ACTR3C: variants seen among roughly 807,000 people sequenced by gnomAD.
The protein encoded by ACTR3C is actin related protein 3C.
A neutral mutation model predicts 26.3 loss-of-function variants in ACTR3C; 18 were observed. The ratio of observed to expected loss-of-function variants is 0.68; its 90% CI spans 0.47 to 1.01. The LOEUF (loss-of-function observed/expected upper bound fraction) is 1.01. Ranked by LOEUF, ACTR3C falls within the 50% of genes least tolerant of loss-of-function variation. The pLI is 0.00. For synonymous variants in ACTR3C, 55 were observed against 94.5 expected (o/e 0.58, Z 2.42); for missense variants, 184 against 250.7 (o/e 0.73, Z 1.80).
downstream of ACTR3C, chr7:150,245,110 T>C (rs1430842370): frequency 6.6e-6 from 1 of 152,218 alleles, no homozygotes; most frequent in Non-Finnish European, 1.5e-5. Context: ...CTCCACTCAC[T>C]CTGCATCTTA....
At chr7:150,156,725 CTCT>C in the ACTR3C span, among the ~76,000 whole-genome samples, 1 of 152,172 alleles carries the variant, frequency 6.6e-6, no homozygotes, top group East Asian at 1.9e-4. Flanking sequence ...CTCTTCCCTC[CTCT>C]AATTCCTATT....
downstream of ACTR3C, among the ~76,000 whole-genome samples, chr7:150,242,866 T>C (rs1418788726): frequency 2.0e-5 from 3 of 152,242 alleles, no homozygotes; most frequent in African/African-American, 7.2e-5. Context: ...CAAATACTGC[T>C]TATTGCCTCC....
chr7:150,068,864 C>G, the ACTR3C span, among the ~76,000 whole-genome samples: 1 of 150,560 alleles, frequency 6.6e-6, no homozygotes, highest in African/African-American at 2.4e-5. Context: ...ATAAACAATG[C>G]AAATTTGATA....
chr7:150,313,495 G>C (rs746336875), intron 1 of ACTR3C, among the ~76,000 whole-genome samples: 2 of 152,210 alleles, frequency 1.3e-5, no homozygotes, highest in Non-Finnish European at 2.9e-5. Flanking sequence ...CAGGTAGCAG[G>C]CTTCACAGAA....
chr7:149,930,377 T>C, the ACTR3C span, among the ~76,000 whole-genome samples: 2 of 152,192 alleles, frequency 1.3e-5, no homozygotes, highest in South Asian at 2.1e-4. Flanking sequence ...AGGAAAGTAA[T>C]AATAATATGT....
At chr7:150,040,137 G>C in the ACTR3C span, among the ~76,000 whole-genome samples, 12 of 147,644 alleles carry the variant, frequency 8.1e-5, 1 homozygote, top group Non-Finnish European at 1.4e-4. Flanking sequence ...AAAATGGGGG[G>C]CCTTTATATT....
At chr7:150,249,914 T>C (rs191192899) in intron 6 of ACTR3C, among the ~76,000 whole-genome samples, 202 of 152,342 alleles carry the variant, frequency 1.3e-3, no homozygotes, top group African/African-American at 4.7e-3. Flanking sequence ...TCCTCCACTT[T>C]ACTCCACGTG....
At chr7:150,276,190 G>A (rs1834863586) in intron 6 of ACTR3C, among the ~76,000 whole-genome samples, 2 of 152,096 alleles carry the variant, frequency 1.3e-5, no homozygotes, top group Non-Finnish European at 2.9e-5. Flanking sequence ...TTAACAGCAA[G>A]TGCTTAATAT....
the ACTR3C span, among the ~76,000 whole-genome samples, chr7:149,923,884 G>C: frequency 2.6e-5 from 4 of 151,830 alleles, no homozygotes; most frequent in African/African-American, 9.7e-5. Context: ...TATAATCCCA[G>C]CTCCTCGGGA....
the ACTR3C span, among the ~76,000 whole-genome samples, chr7:150,158,965 G>A: frequency 1.0e-5 from 1 of 97,832 alleles, no homozygotes; most frequent in East Asian, 6.3e-4. Context: ...GTACACACGT[G>A]CGCACACACA....
chr7:150,047,482 C>G, the ACTR3C span: 3 of 753,008 alleles, frequency 4.0e-6, no homozygotes, highest in Non-Finnish European at 4.9e-6. Context: ...CTGGGGGCGC[C>G]CGGAGAGTCG....
the ACTR3C span, among the ~76,000 whole-genome samples, chr7:150,238,838 T>C: frequency 3.4e-5 from 5 of 147,380 alleles, 1 homozygote; most frequent in African/African-American, 1.3e-4. Context: ...TTTGTCTGAT[T>C]ATATGGCACT....
At chr7:150,163,149 G>A in the ACTR3C span, among the ~76,000 whole-genome samples, 1 of 148,648 alleles carries the variant, frequency 6.7e-6, no homozygotes, top group African/African-American at 2.6e-5. Flanking sequence ...GTGAGACTCA[G>A]TCTCAAAAAA....
chr7:150,305,726 T>A (rs11766288), intron 1 of ACTR3C, among the ~76,000 whole-genome samples: 29,875 of 152,006 alleles, frequency 0.2, 3,773 homozygotes, highest in East Asian at 0.3. Context: ...AAGAGTGGAG[T>A]TCCCAGGTGC....
the ACTR3C span, among the ~76,000 whole-genome samples, chr7:149,980,007 A>C: frequency 6.6e-6 from 1 of 152,136 alleles, no homozygotes; most frequent in Admixed American, 6.5e-5. Flanking sequence ...TTTTCTTTTA[A>C]AAAATTTGTA....
the ACTR3C span, among the ~76,000 whole-genome samples, chr7:150,044,068 C>T: frequency 1.3e-5 from 2 of 152,166 alleles, no homozygotes; most frequent in African/African-American, 4.8e-5. Flanking sequence ...GTTGTCATCA[C>T]ATTTGTATTG....
the ACTR3C span, among the ~76,000 whole-genome samples, chr7:150,119,677 A>G: frequency 4.6e-5 from 7 of 152,212 alleles, no homozygotes; most frequent in Non-Finnish European, 8.8e-5. Context: ...CAGATCAAGG[A>G]GACATAAAAT....
At chr7:150,084,519 G>A in the ACTR3C span, among the ~76,000 whole-genome samples, 1 of 152,264 alleles carries the variant, frequency 6.6e-6, no homozygotes, top group Non-Finnish European at 1.5e-5. Flanking sequence ...CACTGCGGAG[G>A]TATCATGGGG....
chr7:149,973,383 T>C, the ACTR3C span, among the ~76,000 whole-genome samples: 2 of 152,224 alleles, frequency 1.3e-5, no homozygotes, highest in African/African-American at 2.4e-5. Flanking sequence ...ATACCACTTA[T>C]TATTACTAGA....
Sources: gnomAD v4.1 joint callset for allele counts (sites outside exome capture counted in the v4.1 genomes callset) on GRCh38, gnomAD v4.1.1 for gene constraint, MANE v1.5 for transcripts, NCBI Gene and HGNC (gene_info 2026-07-23, HGNC 2026-07-21) for gene names.